GOLGA6L9: variants seen among roughly 807,000 people sequenced by gnomAD.
The protein encoded by GOLGA6L9 is golgin subfamily A member 6-like protein 9.
A neutral mutation model predicts 51.3 loss-of-function variants in GOLGA6L9; 19 were observed. That is an observed-to-expected ratio of 0.37 (90% confidence interval 0.26 to 0.54). GOLGA6L9 has a LOEUF of 0.54. Ranked by LOEUF, GOLGA6L9 falls within the 20% of genes least tolerant of loss-of-function variation. The probability of loss-of-function intolerance (pLI) is 0.83; values close to 1 mark genes in which losing one functional copy is unlikely to be tolerated. For synonymous variants in GOLGA6L9, 97 were observed against 184.2 expected (o/e 0.53, Z 3.83); for missense variants, 247 against 464.1 (o/e 0.53, Z 4.30).
At chr15:82,418,895 G>A in the GOLGA6L9 span, 2 of 152,218 alleles carry the variant, frequency 1.3e-5, no homozygotes, top group Admixed American at 6.5e-5. Context: ...AAGGAAATGG[G>A]TTCTTCTGCC....
chr15:82,416,715 G>A, the GOLGA6L9 span, among the ~76,000 whole-genome samples: 1 of 152,140 alleles, frequency 6.6e-6, no homozygotes, highest in Admixed American at 6.5e-5. Flanking sequence ...TTTTAGTCAG[G>A]GTAAAGCTTA....
chr15:82,436,465 C>T lies in GOLGA6L9; in HGVS notation c.*54C>T. On this transcript the variant is annotated 3_prime_UTR_variant, in exon 9 of 9. Coordinates refer to ENST00000618348, the MANE Select transcript of GOLGA6L9 (RefSeq NM_198181.4). ...ACAAAACATTTAAGGGGTTAATATC[C>T]TACACAATTCATTTACTTCATTTGA... is the stretch of plus-strand genomic sequence containing the variant. The T allele has an allele frequency of 6.5e-7, 1 of 1,534,186 alleles. No homozygotes were observed. The highest frequency in any genetic ancestry group is 8.8e-7 in the Non-Finnish European group (1 of 1,131,548).
chr15:82,429,054 C>T (rs1186870413), upstream of GOLGA6L9, among the ~76,000 whole-genome samples: 25 of 152,058 alleles, frequency 1.6e-4, no homozygotes, highest in South Asian at 4.1e-4. Context: ...TGTGTTCCTA[C>T]TTATTTTGTA....
At chr15:82,429,084 A>C (rs1310326115), upstream of GOLGA6L9, among the ~76,000 whole-genome samples, 2 of 150,546 alleles carry the variant, frequency 1.3e-5, no homozygotes, top group African/African-American at 2.4e-5. Flanking sequence ...ATTTTATTTT[A>C]TTTCTTTTGA....
At chr15:82,432,484 G>A (rs1300127157) in intron 2 of GOLGA6L9, 88 bp from the exon 3 acceptor site, 3 of 1,531,740 alleles carry the variant, frequency 2.0e-6, no homozygotes, top group Non-Finnish European at 2.6e-6. Flanking sequence ...AGAAGCTTTT[G>A]CCAGTTGATG....
At position 82,436,486 on chromosome 15, in the gene GOLGA6L9, T is replaced by G. The variant is rs1324565301; in HGVS notation, c.*75T>G. 2 of 1,536,404 alleles carry G rather than the reference T, an allele frequency of 1.3e-6. No individual in the cohort carries two copies. Among genetic ancestry groups the G allele is most frequent in the African/African-American group, 2.7e-5 (2 of 72,732 alleles). On this transcript the variant is annotated 3_prime_UTR_variant, in exon 9 of 9. Coordinates refer to ENST00000618348, the MANE Select transcript of GOLGA6L9 (RefSeq NM_198181.4). ...TATCCTACACAATTCATTTACTTCA[T>G]TTGAATGTTAGAGCCACTTATGTTT...
chr15:82,437,061 A>G lies in GOLGA6L9; in HGVS notation c.*650A>G, dbSNP rs2031719491. The G allele has an allele frequency of 6.6e-6, 1 of 150,468 alleles. No homozygotes were observed. Among genetic ancestry groups the G allele is most frequent in the South Asian group, 2.1e-4 (1 of 4,862 alleles). The allele number at this position is 150,468 out of a possible 1,614,324, so 9.3% of individuals were successfully genotyped here. On this transcript the variant is annotated 3_prime_UTR_variant, in exon 9 of 9. Transcript: ENST00000618348. ...TGGGGAGGTTTTTAAATCTCCCAGA[A>G]GAGGAAAGTGGCCTGCTTTGGCAGG... is the stretch of plus-strand genomic sequence containing the variant.
chr15:82,433,389 TCTG>T, intron 4 of GOLGA6L9, among the ~76,000 whole-genome samples, 170 bp from the exon 5 acceptor site: 1 of 152,048 alleles, frequency 6.6e-6, no homozygotes, highest in Non-Finnish European at 1.5e-5. Context: ...GTTTTATATC[TCTG>T]CTATGAAGAA....
At chr15:82,419,663 A>G in the GOLGA6L9 span, among the ~76,000 whole-genome samples, 1 of 152,128 alleles carries the variant, frequency 6.6e-6, no homozygotes, top group African/African-American at 2.4e-5. Context: ...AAAACAAAAC[A>G]AAACAAAACA....
At position 82,431,916 on chromosome 15, in the gene GOLGA6L9, A is replaced by G. The variant is rs1350881157; in HGVS notation, c.171A>G (p.Thr57=). 4 of 1,351,966 alleles carry G rather than the reference A, an allele frequency of 3.0e-6. No homozygotes were observed. Among genetic ancestry groups the G allele is most frequent in the South Asian group, 1.4e-5 (1 of 70,976 alleles). The allele number at this position is 1,351,966 out of a possible 1,614,324, so 83.7% of individuals were successfully genotyped here. A position where few individuals can be genotyped will look rare whatever the true frequency, so the allele number is the denominator to read the frequency against. Residue 57 remains threonine, a synonymous_variant, in exon 2 of 9, where the codon ACA becomes ACG. Coordinates refer to ENST00000618348, the MANE Select transcript of GOLGA6L9 (RefSeq NM_198181.4). Reference sequence around the variant, plus strand: ...AAATCAATGGCAGTAGCCCTGACACATTCACTTCTGGTGGTTACCACTCAC... The same window carrying G: ...AAATCAATGGCAGTAGCCCTGACACGTTCACTTCTGGTGGTTACCACTCAC... ...KKKINGSSPD[T]FTSGGYHSPG... is the part of the protein sequence containing the mutation.
upstream of GOLGA6L9, among the ~76,000 whole-genome samples, chr15:82,429,597 C>A (rs1436871253): frequency 6.6e-6 from 1 of 152,064 alleles, no homozygotes; most frequent in Non-Finnish European, 1.5e-5. Context: ...TAAGGTAATA[C>A]TTGTAATTCT....
At chr15:82,418,210 G>A in the GOLGA6L9 span, among the ~76,000 whole-genome samples, 1 of 152,150 alleles carries the variant, frequency 6.6e-6, no homozygotes, top group African/African-American at 2.4e-5. Flanking sequence ...TGCCTTCTCT[G>A]CAAAATAATT....
upstream of GOLGA6L9, among the ~76,000 whole-genome samples, chr15:82,428,957 A>G (rs1339331218): frequency 4.4e-4 from 67 of 151,738 alleles, 1 homozygote; most frequent in African/African-American, 1.5e-3. Flanking sequence ...TGCAAGGCCT[A>G]GAGTGGCCTG....
In GOLGA6L9 at chr15:82,429,891, G is replaced by T; in HGVS notation, c.-189G>T. 1.3e-6 allele frequency: 1 copy of T among 772,222 alleles called. No individual in the cohort carries two copies. Among genetic ancestry groups the T allele is most frequent in the Non-Finnish European group, 2.3e-6 (1 of 434,764 alleles). 47.8% of individuals were successfully genotyped at this position (772,222 alleles called of 1,614,324 possible). ...TCCTTATGATGCTACAGGTCCCTCT[G>T]GACATGCTGCGCCTGGCCACGCCTC... On this transcript the variant is annotated 5_prime_UTR_variant, in exon 1 of 9. An upstream open reading frame in the 5' UTR gains an earlier in-frame stop. Transcript: ENST00000618348.
chr15:82,427,037 C>T (rs1475643404), upstream of GOLGA6L9, among the ~76,000 whole-genome samples: 6 of 147,072 alleles, frequency 4.1e-5, no homozygotes, highest in Non-Finnish European at 9.0e-5. Flanking sequence ...CTCCATTGCC[C>T]ATTTTCGGTT....
At chr15:82,427,147 CAGTA>C (rs1215015422), upstream of GOLGA6L9, among the ~76,000 whole-genome samples, 254 of 151,934 alleles carry the variant, frequency 1.7e-3, no homozygotes, top group Non-Finnish European at 3.0e-3. Flanking sequence ...AACTTTCTCC[CAGTA>C]AGTAATTTGT....
At chr15:82,417,462 A>T in the GOLGA6L9 span, among the ~76,000 whole-genome samples, 1 of 152,204 alleles carries the variant, frequency 6.6e-6, no homozygotes, top group Non-Finnish European at 1.5e-5. Context: ...GGAAAAGTTT[A>T]CTTATCTTAC....
intron 4 of GOLGA6L9, among the ~76,000 whole-genome samples, chr15:82,433,102 C>T (rs1252616935): frequency 2.6e-5 from 4 of 151,512 alleles, no homozygotes; most frequent in Admixed American, 6.6e-5. Flanking sequence ...ACTCTCTCTT[C>T]TCCAGACACC....
the GOLGA6L9 span, among the ~76,000 whole-genome samples, chr15:82,421,823 AAGT>A: frequency 9.1e-4 from 27 of 29,834 alleles, 1 homozygote; most frequent in Middle Eastern, 5.5e-3. Context: ...AAAAAAAAAA[AAGT>A]AGCTGGGTAT....
Sources: allele counts gnomAD v4.1 joint callset (sites outside exome capture counted in the v4.1 genomes callset), GRCh38; gene constraint gnomAD v4.1.1; transcripts MANE v1.5; gene names NCBI Gene and HGNC (gene_info 2026-07-23, HGNC 2026-07-21).